Variants in USP25 observed in about 807,000 individuals in gnomAD.
USP25 encodes the protein ubiquitin specific peptidase 25, also known as ubiquitin carboxyl-terminal hydrolase 25.
Under a neutral mutation model 158.5 loss-of-function variants are expected in USP25, and 85 were observed. That is an observed-to-expected ratio of 0.54 (90% CI 0.45 to 0.64). USP25 has a LOEUF of 0.64. Among genes scored for constraint, USP25 ranks in the 30% least tolerant of loss-of-function variants. The pLI is 0.00. For missense variants in USP25, 1,242 were observed against 1,327.3 expected, an observed-to-expected ratio of 0.94 and a Z score of 1.00; for synonymous variants, 464 against 460.4, an observed-to-expected ratio of 1.01 and a Z score of -0.10.
At chr21:15,761,380 CTG>C (rs1242487887) in intron 1 of USP25, among the ~76,000 whole-genome samples, 1 of 152,182 alleles carries the variant, frequency 6.6e-6, no homozygotes, top group East Asian at 1.9e-4. Flanking sequence ...AACCATCTCT[CTG>C]AAATAATAAT....
chr21:15,740,751 C>T (rs576867762), intron 1 of USP25, among the ~76,000 whole-genome samples: 163 of 134,656 alleles, frequency 1.2e-3, no homozygotes, highest in Non-Finnish European at 2.0e-3. Context: ...CATATGAAAA[C>T]TTATGTACAA....
At chr21:15,872,014 GTTTTTTTTTT>G (rs1158862222) in intron 23 of USP25, among the ~76,000 whole-genome samples, 12 of 71,644 alleles carry the variant, frequency 1.7e-4, no homozygotes, top group Non-Finnish European at 3.3e-4. Flanking sequence ...AAGAAATACT[GTTTTTTTTTT>G]TTTTTTTTTT....
intron 3 of USP25, among the ~76,000 whole-genome samples, chr21:15,773,530 A>T (rs1190282330): frequency 6.6e-6 from 1 of 152,106 alleles, no homozygotes; most frequent in Non-Finnish European, 1.5e-5. Context: ...GTACACATAC[A>T]ATCTCCTAAT....
intron 20 of USP25, among the ~76,000 whole-genome samples, chr21:15,853,314 C>CGCACACGTGTACACAT (rs2038977765): frequency 3.9e-5 from 6 of 151,964 alleles, no homozygotes; most frequent in Middle Eastern, 3.4e-3. Context: ...CACAGGTACA[C>CGCACACGTGTACACAT]ACATGTACAC....
In USP25 at chr21:15,824,589, G is replaced by A. The variant is rs183583912; in HGVS notation, c.1209-377G>A. On this transcript the variant is annotated intron_variant, in intron 11 of 25. Transcript: ENST00000400183. The stretch of plus-strand genomic sequence containing the variant: ...GTCTTTCTTTCTTTTGTTTTTTTCT[G>A]TCTGTCTTTCTGTCTATCTTTCTGT... Among the ~76,000 whole-genome samples, 27 of 150,516 alleles carry A rather than the reference G, an allele frequency of 1.8e-4. No individual in the cohort carries two copies. The East Asian group carries it at 5.1e-3, about 28-fold the overall frequency.
intron 12 of USP25, 148 bp downstream of exon 12, chr21:15,825,209 A>T (rs1057203799): frequency 3.4e-6 from 2 of 587,020 alleles, no homozygotes; most frequent in Admixed American, 3.8e-5. Context: ...GCTTGAAACT[A>T]AAAATCTATA....
chr21:15,777,152 A>G (rs2034702481), intron 3 of USP25, among the ~76,000 whole-genome samples: 1 of 152,210 alleles, frequency 6.6e-6, no homozygotes, highest in East Asian at 1.9e-4. Flanking sequence ...TTGGAAAAAG[A>G]ATTAATACTT....
intron 1 of USP25, among the ~76,000 whole-genome samples, chr21:15,737,046 T>G (rs2031589033): frequency 6.6e-6 from 1 of 152,140 alleles, no homozygotes; most frequent in Admixed American, 6.5e-5. Flanking sequence ...GCCTAGGATT[T>G]TTCGTCTGAA....
At chr21:15,765,039 T>C (rs551528896) in intron 2 of USP25, among the ~76,000 whole-genome samples, 1 of 152,228 alleles carries the variant, frequency 6.6e-6, no homozygotes, top group Admixed American at 6.5e-5. Flanking sequence ...TCTTAATACA[T>C]GGAGTAAACT....
At chr21:15,787,298 C>T (rs924857145) in intron 4 of USP25, among the ~76,000 whole-genome samples, 1 of 152,052 alleles carries the variant, frequency 6.6e-6, no homozygotes, top group African/African-American at 2.4e-5. Context: ...ATAGCCAAAG[C>T]AAGCCTGAAC....
At chr21:15,792,820 A>G (rs561176449) in intron 5 of USP25, among the ~76,000 whole-genome samples, 2 of 151,696 alleles carry the variant, frequency 1.3e-5, no homozygotes, top group East Asian at 1.9e-4. Context: ...GGTGCATCCT[A>G]ATAAGTAATA....
intron 5 of USP25, among the ~76,000 whole-genome samples, chr21:15,794,170 A>G (rs907918079): frequency 4.6e-5 from 7 of 151,832 alleles, no homozygotes; most frequent in African/African-American, 1.4e-4. Context: ...TTTGCTAGTA[A>G]TATCACCCTT....
intron 4 of USP25, among the ~76,000 whole-genome samples, chr21:15,778,293 C>G (rs976811636): frequency 4.6e-5 from 7 of 151,670 alleles, no homozygotes; most frequent in African/African-American, 1.4e-4. Context: ...TTTTTTTCTT[C>G]CCCTAATCTT....
intron 3 of USP25, among the ~76,000 whole-genome samples, chr21:15,771,138 G>T (rs574505760): frequency 2.0e-4 from 30 of 152,144 alleles, no homozygotes; most frequent in Non-Finnish European, 4.0e-4. Flanking sequence ...AAGAAAGCAT[G>T]CAGAGCCTCA....
chr21:15,834,834 G>A (rs1026163426), intron 17 of USP25, among the ~76,000 whole-genome samples: 9 of 152,184 alleles, frequency 5.9e-5, no homozygotes, highest in African/African-American at 2.2e-4. Flanking sequence ...CCATTATGTA[G>A]GGCTGCACTT....
At position 15,824,983 on chromosome 21, in the gene USP25, G is replaced by A; in HGVS notation, c.1226G>A (p.Arg409Lys). 6.2e-7 allele frequency: 1 copy of A among 1,610,936 alleles called. No individual in the cohort carries two copies. The highest frequency in any genetic ancestry group is 2.2e-5 in the East Asian group (1 of 44,660). ...TCTGATAGATACATGCACAGAAACA[G>A]AGAAATAACAAGAATTAAGAGGGAA... ...LYLDRYMHRN[R>K]EITRIKREEI... The change falls in exon 12 of 26, where the codon AGA (arginine) becomes AAA (lysine). Residue 409 changes from arginine (R) to lysine (K), a missense_variant. By Grantham distance (26) the Arg-to-Lys change is conservative (BLOSUM62 2). Transcript: ENST00000400183.
intron 23 of USP25, among the ~76,000 whole-genome samples, chr21:15,873,580 C>A (rs2039979743): frequency 6.6e-6 from 1 of 151,898 alleles, no homozygotes; most frequent in South Asian, 2.1e-4. Context: ...CAGCTCACCT[C>A]ACCCTCCACC....
At position 15,878,289 on chromosome 21, in the gene USP25, G is replaced by A; in HGVS notation, c.3206-14G>A. On this transcript the variant is annotated splice_polypyrimidine_tract_variant and intron_variant, in intron 25 of 25. Coordinates refer to ENST00000400183, the MANE Select transcript of USP25 (RefSeq NM_001283041.3). The stretch of plus-strand genomic sequence containing the variant: ...TTTCTATCTTTAGTTAGATTTAATT[G>A]TTTGTATTTGCAGCACACCTCCAAG... The A allele has an allele frequency of 6.2e-7, 1 of 1,604,156 alleles. No homozygotes were observed. Among genetic ancestry groups the A allele is most frequent in the Non-Finnish European group, 8.5e-7 (1 of 1,175,250 alleles).
intron 18 of USP25, among the ~76,000 whole-genome samples, 166 bp downstream of exon 18, chr21:15,842,706 G>A (rs920177861): frequency 6.6e-6 from 1 of 152,100 alleles, no homozygotes; most frequent in Non-Finnish European, 1.5e-5. Flanking sequence ...CCCAGGCTGT[G>A]ATTTCCTCAG....
Sources: gnomAD v4.1 joint callset for allele counts (sites outside exome capture counted in the v4.1 genomes callset) on GRCh38, gnomAD v4.1.1 for gene constraint, MANE v1.5 for transcripts, NCBI Gene and HGNC (gene_info 2026-07-23, HGNC 2026-07-21) for gene names.